SCN11A: variants seen among roughly 807,000 people sequenced by gnomAD.
SCN11A encodes sodium voltage-gated channel alpha subunit 11.
A neutral mutation model predicts 162.2 loss-of-function variants in SCN11A; 122 were observed. That is an observed-to-expected ratio of 0.75 (90% CI 0.65 to 0.87). The LOEUF is 0.87. SCN11A is among the 40% of genes least tolerant of loss of function. The pLI is 0.00. For synonymous variants in SCN11A, 758 were observed against 751.5 expected (o/e 1.01, Z -0.14); for missense variants, 2,015 against 2,181.6 (o/e 0.92, Z 1.52).
chr3:38,891,356 G>C (rs1273372316), intron 19 of SCN11A, among the ~76,000 whole-genome samples: 3 of 151,950 alleles, frequency 2.0e-5, no homozygotes, highest in African/African-American at 7.3e-5. Flanking sequence ...GCAATCTAAA[G>C]AGCACAGAGA....
At chr3:38,949,524 T>C (rs1450785320) in intron 5 of SCN11A, among the ~76,000 whole-genome samples, 1 of 152,238 alleles carries the variant, frequency 6.6e-6, no homozygotes, top group Non-Finnish European at 1.5e-5. Flanking sequence ...TTGAGCCCTA[T>C]TAGTCTCATT....
At chr3:38,866,542 G>A (rs2065044348) in intron 27 of SCN11A, among the ~76,000 whole-genome samples, 1 of 152,126 alleles carries the variant, frequency 6.6e-6, no homozygotes, top group African/African-American at 2.4e-5. Flanking sequence ...AATTCTTATA[G>A]CAAAGTTAAT....
chr3:38,891,999 A>C (rs1378262858), intron 19 of SCN11A, among the ~76,000 whole-genome samples: 1 of 152,258 alleles, frequency 6.6e-6, no homozygotes, highest in African/African-American at 2.4e-5. Flanking sequence ...AAAGTGCTGA[A>C]AGACAAAGAA....
intron 2 of SCN11A, among the ~76,000 whole-genome samples, chr3:39,014,019 C>G (rs1317084829): frequency 1.3e-5 from 2 of 152,204 alleles, no homozygotes; most frequent in Non-Finnish European, 2.9e-5. Context: ...CATCCTTTTT[C>G]CATTACCCAT....
Position 38,919,923 on chromosome 3 carries a change from T to C in SCN11A, c.959+12A>G, listed in dbSNP as rs747574435. 1.9e-6 allele frequency: 3 copies of C among 1,605,356 alleles called. No individual in the cohort carries two copies. Among genetic ancestry groups the C allele is most frequent in the Non-Finnish European group, 2.6e-6 (3 of 1,172,384 alleles). The stretch of plus-strand genomic sequence containing the variant: ...ACTCTTCTTGGGAGGAAAATGATTA[T>C]AAACCTCTTACCTGTTACCCATCCA... On this transcript the variant is annotated intron_variant, in intron 11 of 29. Transcript: ENST00000302328.
intron 11 of SCN11A, among the ~76,000 whole-genome samples, chr3:38,915,028 T>C (rs2065940105): frequency 6.6e-6 from 1 of 152,180 alleles, no homozygotes; most frequent in African/African-American, 2.4e-5. Flanking sequence ...CTCAATTTTT[T>C]GGAATAGTTT....
intron 11 of SCN11A, among the ~76,000 whole-genome samples, chr3:38,915,692 G>A (rs1434066513): frequency 6.6e-6 from 1 of 151,742 alleles, no homozygotes; most frequent in African/African-American, 2.4e-5. Context: ...TGGTTCTTTT[G>A]CATTTGCTGA....
rs35355665 is a variant in SCN11A at position 38,940,057 on chromosome 3, CATAT to C, written c.488+5350_488+5353del. On this transcript the variant is annotated intron_variant, in intron 7 of 29. Transcript: ENST00000302328. ...GATATGTATAATACTGATGTACATA[CATAT>C]ATATATATATATATAGTTTTATATA... Among the ~76,000 whole-genome samples the C allele has an allele frequency of 4.6e-4, 68 of 146,434 alleles. 2 individuals are homozygous for C. Among genetic ancestry groups the C allele is most frequent in the South Asian group, 2.1e-3 (10 of 4,654 alleles).
intron 11 of SCN11A, among the ~76,000 whole-genome samples, chr3:38,916,497 T>A (rs906876474): frequency 6.6e-6 from 1 of 152,208 alleles, no homozygotes; most frequent in East Asian, 1.9e-4. Context: ...TTTTAAAATA[T>A]GTCTAATCTG....
At chr3:38,989,597 T>C (rs2030385499) in intron 2 of SCN11A, among the ~76,000 whole-genome samples, 1 of 152,236 alleles carries the variant, frequency 6.6e-6, no homozygotes, top group African/African-American at 2.4e-5. Flanking sequence ...CAGGGATTCC[T>C]CTTCCTCATC....
At chr3:38,931,528 T>C (rs1300239697) in intron 7 of SCN11A, among the ~76,000 whole-genome samples, 1 of 152,178 alleles carries the variant, frequency 6.6e-6, no homozygotes, top group Non-Finnish European at 1.5e-5. Context: ...CCATTTAAAA[T>C]CTATGAAAAC....
At chr3:38,933,769 G>C (rs1046761432) in intron 7 of SCN11A, among the ~76,000 whole-genome samples, 2 of 152,334 alleles carry the variant, frequency 1.3e-5, no homozygotes, top group African/African-American at 4.8e-5. Flanking sequence ...GAAAGTGACA[G>C]GGAGAATGGA....
intron 28 of SCN11A, among the ~76,000 whole-genome samples, chr3:38,856,398 A>G (rs2064870171): frequency 6.6e-6 from 1 of 152,178 alleles, no homozygotes; most frequent in African/African-American, 2.4e-5. Context: ...TTGGAACATC[A>G]ACATTCCTAC....
intron 2 of SCN11A, among the ~76,000 whole-genome samples, chr3:38,986,969 G>A (rs4381879): frequency 9.9e-5 from 15 of 151,808 alleles, no homozygotes; most frequent in Admixed American, 8.5e-4. Context: ...ACCCCTACCC[G>A]TTTCTTTCCG....
chr3:39,040,555 T>C (rs1183557026), intron 1 of SCN11A, among the ~76,000 whole-genome samples: 1 of 152,088 alleles, frequency 6.6e-6, no homozygotes, highest in South Asian at 2.1e-4. Flanking sequence ...ATCAGATGCC[T>C]AAAAAGGAAT....
rs573637034 is a variant in SCN11A, at chr3:38,960,664, T to A, written c.-279-241A>T. 8.9e-4 allele frequency among the ~76,000 whole-genome samples: 135 copies of A among 152,340 alleles called. 1 individual carries two copies. Among genetic ancestry groups the A allele is most frequent in the African/African-American group, 3.2e-3 (133 of 41,580 alleles). ...GTGGGTGAGGGAATACAGAAAAGTC[T>A]GTGTGAAAAGCCAGGTTGTGCTTCC... On this transcript the variant is annotated intron_variant, in intron 2 of 29. Coordinates refer to ENST00000302328, the MANE Select transcript of SCN11A (RefSeq NM_001349253.2).
At chr3:38,938,334 A>G (rs2125565485) in intron 7 of SCN11A, among the ~76,000 whole-genome samples, 1 of 151,508 alleles carries the variant, frequency 6.6e-6, no homozygotes, top group Non-Finnish European at 1.5e-5. Flanking sequence ...TACATATGTA[A>G]CTAACCTGCA....
intron 11 of SCN11A, among the ~76,000 whole-genome samples, chr3:38,919,004 C>T (rs2066004800): frequency 1.3e-5 from 2 of 152,172 alleles, no homozygotes; most frequent in Admixed American, 6.5e-5. Flanking sequence ...CCTATTGTTC[C>T]TAGGCTACAA....
At chr3:38,977,789 A>G (rs2066858134) in intron 2 of SCN11A, among the ~76,000 whole-genome samples, 1 of 152,060 alleles carries the variant, frequency 6.6e-6, no homozygotes, top group South Asian at 2.1e-4. Flanking sequence ...CTCTCTACAT[A>G]TTGATTAATC....
Sources: allele counts gnomAD v4.1 joint callset (sites outside exome capture counted in the v4.1 genomes callset), GRCh38; gene constraint gnomAD v4.1.1; transcripts MANE v1.5; gene names NCBI Gene and HGNC (gene_info 2026-07-23, HGNC 2026-07-21).